The following PDSS2 variants were observed in gnomAD, a reference collection of about 807,000 sequenced individuals.
PDSS2 encodes the protein all trans-polyprenyl-diphosphate synthase PDSS2.
PDSS2 carries 31 observed loss-of-function variants against 44.5 expected under a neutral mutation model. That is an observed-to-expected ratio of 0.70 (90% CI 0.52 to 0.94). PDSS2 has a LOEUF of 0.94. Among genes scored for constraint, PDSS2 ranks in the 40% least tolerant of loss-of-function variants. The pLI, the probability that PDSS2 is intolerant of heterozygous loss-of-function variation, is 0.00. For missense variants in PDSS2, 452 were observed against 482.2 expected (o/e 0.94, Z 0.59); for synonymous variants, 157 against 180.3 (o/e 0.87, Z 1.03).
intron 6 of PDSS2, among the ~76,000 whole-genome samples, chr6:107,198,800 T>TAACAACAACAAC (rs35128756): frequency 1.1e-3 from 165 of 149,420 alleles, no homozygotes; most frequent in East Asian, 2.0e-3. Context: ...CTACAAACAA[T>TAACAACAACAAC]AACAACAACA....
chr6:107,237,655 C>T (rs545796992), intron 4 of PDSS2, among the ~76,000 whole-genome samples: 2 of 149,756 alleles, frequency 1.3e-5, no homozygotes, highest in African/African-American at 4.9e-5. Flanking sequence ...AATCCCAGCA[C>T]TTTGGGAGGT....
chr6:107,212,997 C>G (rs1375249050), intron 4 of PDSS2, among the ~76,000 whole-genome samples: 1 of 151,854 alleles, frequency 6.6e-6, no homozygotes, highest in Non-Finnish European at 1.5e-5. Context: ...AGAGCAAGAC[C>G]CTGTCTCTTT....
At chr6:107,220,144 T>TTA (rs36028245) in intron 4 of PDSS2, among the ~76,000 whole-genome samples, 115,945 of 151,852 alleles carry the variant, frequency 0.76, 45,028 homozygotes, top group East Asian at 0.99. Flanking sequence ...TAAAAATGAT[T>TTA]TGGTAATGAC....
At chr6:107,425,533 A>C (rs1780971123) in intron 1 of PDSS2, among the ~76,000 whole-genome samples, 1 of 152,198 alleles carries the variant, frequency 6.6e-6, no homozygotes. Context: ...AACTAGAGAG[A>C]GATGATTTAG....
intron 4 of PDSS2, among the ~76,000 whole-genome samples, chr6:107,224,019 C>A (rs1287687910): frequency 6.6e-6 from 1 of 151,230 alleles, no homozygotes; most frequent in Non-Finnish European, 1.5e-5. Flanking sequence ...CCGTTGTGAA[C>A]TGTGCATGCC....
chr6:107,444,574 A>G (rs1173089217), intron 1 of PDSS2, among the ~76,000 whole-genome samples: 1 of 152,200 alleles, frequency 6.6e-6, no homozygotes, highest in Non-Finnish European at 1.5e-5. Context: ...GAATGAATTA[A>G]AATTTATAAT....
intron 2 of PDSS2, among the ~76,000 whole-genome samples, chr6:107,320,897 T>C (rs952214776): frequency 2.6e-5 from 4 of 152,170 alleles, no homozygotes; most frequent in African/African-American, 7.2e-5. Flanking sequence ...CCCTACTTCA[T>C]AGGTTGTCTA....
intron 3 of PDSS2, among the ~76,000 whole-genome samples, chr6:107,255,069 C>T (rs1774962570): frequency 6.6e-6 from 1 of 151,764 alleles, no homozygotes; most frequent in African/African-American, 2.4e-5. Context: ...CGGGGTTTCA[C>T]CATGTTGGCC....
intron 1 of PDSS2, among the ~76,000 whole-genome samples, chr6:107,361,606 A>G (rs1159975594): frequency 1.3e-5 from 2 of 152,160 alleles, no homozygotes; most frequent in Admixed American, 6.5e-5. Flanking sequence ...AAGACTACCA[A>G]TTAAGGCCAT....
intron 3 of PDSS2, among the ~76,000 whole-genome samples, chr6:107,247,194 C>T (rs758874212): frequency 2.0e-5 from 3 of 152,192 alleles, no homozygotes; most frequent in Admixed American, 6.5e-5. Context: ...ACAGATCAAT[C>T]ACTCACTAAG....
chr6:107,351,831 T>C (rs1026336852), intron 1 of PDSS2, among the ~76,000 whole-genome samples: 1 of 152,140 alleles, frequency 6.6e-6, no homozygotes, highest in African/African-American at 2.4e-5. Context: ...ACTAATCATA[T>C]AGTGAGATCC....
rs534290849 is a variant in PDSS2 at position 107,256,908 on chromosome 6, G to A, written c.631-11289C>T. Among the ~76,000 whole-genome samples the A allele has an allele frequency of 1.1e-4, 17 of 152,106 alleles. No individual in the cohort carries two copies. The South Asian group carries it at 1.9e-3, about 17-fold the overall frequency. On this transcript the variant is annotated intron_variant, in intron 3 of 7. Transcript: ENST00000369037. ...TTAACAATAATAGAAGAGGCCAGGC[G>A]TGGTGGCTCACACCTGTAATCAGCA...
At chr6:107,173,595 A>AAAAAAAG in intron 7 of PDSS2, among the ~76,000 whole-genome samples, 1 of 150,620 alleles carries the variant, frequency 6.6e-6, no homozygotes, top group Non-Finnish European at 1.5e-5. Flanking sequence ...AAAAAAAAAA[A>AAAAAAAG]AACGCTTAGA....
chr6:107,275,644 T>C (rs942798486), intron 2 of PDSS2, among the ~76,000 whole-genome samples: 3 of 152,098 alleles, frequency 2.0e-5, no homozygotes, highest in Non-Finnish European at 2.9e-5. Flanking sequence ...CACTAAACTA[T>C]ATGGGTGATT....
At chr6:107,203,823 T>A (rs1393796274) in intron 6 of PDSS2, among the ~76,000 whole-genome samples, 1 of 152,156 alleles carries the variant, frequency 6.6e-6, no homozygotes, top group Non-Finnish European at 1.5e-5. Context: ...GCTTCGCCTC[T>A]CCCCAACCCT....
At chr6:107,381,025 T>G (rs1235795358) in intron 1 of PDSS2, among the ~76,000 whole-genome samples, 1 of 152,196 alleles carries the variant, frequency 6.6e-6, no homozygotes. Context: ...CAGAAATCAT[T>G]AGACTGTGTC....
At chr6:107,453,130 T>A (rs1487052346) in intron 1 of PDSS2, among the ~76,000 whole-genome samples, 3 of 150,888 alleles carry the variant, frequency 2.0e-5, no homozygotes, top group Admixed American at 6.6e-5. Context: ...AGTGCAGTGG[T>A]GCAGTCTCGG....
rs1176163758 is a variant in PDSS2, at chr6:107,411,100, G to A, written c.296+47890C>T. On this transcript the variant is annotated intron_variant, in intron 1 of 7. Transcript: ENST00000369037. The stretch of plus-strand genomic sequence containing the variant: ...AGGGTTTTGCTATGTTGGCCAGGCT[G>A]GTCTCAAACTCCTGACCTCAAATGA... Among the ~76,000 whole-genome samples, 6 of 152,076 alleles carry A rather than the reference G, an allele frequency of 3.9e-5. No individual in the cohort carries two copies. The East Asian group carries it at 1.2e-3, about 30-fold the overall frequency.
At chr6:107,354,007 A>G (rs1158905912) in intron 1 of PDSS2, among the ~76,000 whole-genome samples, 1 of 152,226 alleles carries the variant, frequency 6.6e-6, no homozygotes, top group Non-Finnish European at 1.5e-5. Context: ...CTCTGCCAGT[A>G]TATCAATAAA....
Sources: allele counts gnomAD v4.1 joint callset (sites outside exome capture counted in the v4.1 genomes callset), GRCh38; gene constraint gnomAD v4.1.1; transcripts MANE v1.5; gene names NCBI Gene and HGNC (gene_info 2026-07-23, HGNC 2026-07-21).